The following MEMO1 variants were observed in gnomAD, a reference collection of about 807,000 sequenced individuals.
MEMO1 encodes the protein protein MEMO1.
In MEMO1, 6 loss-of-function variants were observed where a neutral mutation model predicts 45.2. That is an observed-to-expected ratio of 0.13 (90% CI 0.07 to 0.26). MEMO1 has a LOEUF of 0.26. MEMO1 is among the 10% of genes least tolerant of loss of function. The pLI is 1.00. For missense variants in MEMO1, 184 were observed against 370.5 expected (o/e 0.50, Z 4.13); for synonymous variants, 78 against 124.3 (o/e 0.63, Z 2.48).
At chr2:31,876,534 G>T (rs1365387843) in intron 8 of MEMO1, among the ~76,000 whole-genome samples, 1 of 152,090 alleles carries the variant, frequency 6.6e-6, no homozygotes, top group South Asian at 2.1e-4. Context: ...GCTTACTGCT[G>T]TATCTCCACC....
chr2:31,888,947 T>C (rs1264539929), intron 7 of MEMO1, among the ~76,000 whole-genome samples: 2 of 152,002 alleles, frequency 1.3e-5, no homozygotes, highest in Non-Finnish European at 2.9e-5. Flanking sequence ...CAAGTCTAAA[T>C]AAAAGCTACA....
chr2:32,009,783 C>A (rs1674589101), intron 2 of MEMO1, among the ~76,000 whole-genome samples: 1 of 152,128 alleles, frequency 6.6e-6, no homozygotes, highest in African/African-American at 2.4e-5. Context: ...GGCTCGGCGC[C>A]GGGCACACCG....
Position 31,920,832 on chromosome 2 carries a change from C to A in MEMO1, c.291G>T (p.Arg97Ser). 1 of 1,610,408 alleles carries A rather than the reference C, an allele frequency of 6.2e-7. No homozygotes were observed. Among genetic ancestry groups the A allele is most frequent in the Non-Finnish European group, 8.5e-7 (1 of 1,178,524 alleles). ...CAATACGAAGGTCATACAGAGGTGT[C>A]CTATATATATCCACACTGGAAAGTG... The part of the protein sequence containing the change: ...RCALSSVDIY[R>S]TPLYDLRIDQ... The change falls in exon 5 of 10, where the codon AGG becomes AGT. Residue 97 changes from arginine to serine, a missense_variant. Arg to Ser is a moderately radical substitution (Grantham distance 110). Transcript: ENST00000404530.
intron 6 of MEMO1, among the ~76,000 whole-genome samples, chr2:31,896,095 A>G (rs1677764689): frequency 1.3e-5 from 2 of 152,072 alleles, no homozygotes; most frequent in Admixed American, 6.5e-5. Flanking sequence ...CGCCCGCCTC[A>G]GCCTCCCAAA....
intron 7 of MEMO1, among the ~76,000 whole-genome samples, chr2:31,889,693 A>T (rs573882053): frequency 1.3e-5 from 2 of 152,070 alleles, no homozygotes; most frequent in East Asian, 3.9e-4. Context: ...AATATTATCT[A>T]TGTTACACCT....
At chr2:31,995,109 G>A (rs768559311) in intron 2 of MEMO1, among the ~76,000 whole-genome samples, 120 of 152,172 alleles carry the variant, frequency 7.9e-4, no homozygotes, top group Non-Finnish European at 1.4e-3. Context: ...AACAGCTATT[G>A]TAGAAATATT....
intron 6 of MEMO1, among the ~76,000 whole-genome samples, chr2:31,897,093 G>A (rs764658788): frequency 1.4e-4 from 22 of 152,216 alleles, no homozygotes; most frequent in Admixed American, 2.6e-4. Context: ...CTTCACTGAA[G>A]TTGCTTATCA....
intron 4 of MEMO1, among the ~76,000 whole-genome samples, chr2:31,924,671 G>A (rs1412115561): frequency 6.6e-6 from 1 of 152,108 alleles, no homozygotes; most frequent in Admixed American, 6.5e-5. Context: ...TTTTGTAAAC[G>A]TGTTTCACAG....
chr2:31,938,851 A>G (rs1042845244), intron 3 of MEMO1, among the ~76,000 whole-genome samples: 1 of 149,722 alleles, frequency 6.7e-6, no homozygotes, highest in Non-Finnish European at 1.5e-5. Flanking sequence ...CAGTGGTGCA[A>G]TCTCAGCTCA....
At chr2:31,939,012 T>C (rs1572745912) in intron 3 of MEMO1, among the ~76,000 whole-genome samples, 1 of 151,662 alleles carries the variant, frequency 6.6e-6, no homozygotes, top group African/African-American at 2.4e-5. Flanking sequence ...CTCAAACTCC[T>C]GAGCTCAAGC....
At chr2:31,885,841 CAA>C (rs1572569047) in intron 7 of MEMO1, among the ~76,000 whole-genome samples, 1 of 152,196 alleles carries the variant, frequency 6.6e-6, no homozygotes, top group Non-Finnish European at 1.5e-5. Flanking sequence ...GTTTGCTACT[CAA>C]AAGTCTTTTC....
chr2:31,968,580 C>G (rs1668902562), intron 2 of MEMO1, among the ~76,000 whole-genome samples: 1 of 152,124 alleles, frequency 6.6e-6, no homozygotes, highest in South Asian at 2.1e-4. Context: ...AGGACAAGTC[C>G]CCCAAGAAGT....
chr2:31,969,605 GTGTGT>G (rs1669123795), intron 2 of MEMO1, among the ~76,000 whole-genome samples: 2 of 149,536 alleles, frequency 1.3e-5, no homozygotes, highest in Non-Finnish European at 1.5e-5. Context: ...GTGTGTGTGT[GTGTGT>G]GTGTGTGTGT....
chr2:31,956,218 T>C (rs1300730846), intron 2 of MEMO1, among the ~76,000 whole-genome samples: 1 of 152,014 alleles, frequency 6.6e-6, no homozygotes, highest in Non-Finnish European at 1.5e-5. Flanking sequence ...GATAATTCAG[T>C]ACTCAAATCC....
chr2:31,964,241 TACACAAACACAC>T (rs1668350066), intron 2 of MEMO1, among the ~76,000 whole-genome samples: 2 of 151,690 alleles, frequency 1.3e-5, no homozygotes, highest in Non-Finnish European at 2.9e-5. Flanking sequence ...CACATACACG[TACACAAACACAC>T]ACACAAACAC....
At chr2:32,006,281 A>T (rs1674054049) in intron 2 of MEMO1, among the ~76,000 whole-genome samples, 2 of 152,236 alleles carry the variant, frequency 1.3e-5, no homozygotes, top group African/African-American at 4.8e-5. Context: ...GGCAGAAGGA[A>T]GTCCAATTCG....
At chr2:31,914,514 A>G (rs536303948) in intron 6 of MEMO1, among the ~76,000 whole-genome samples, 1 of 152,324 alleles carries the variant, frequency 6.6e-6, no homozygotes, top group East Asian at 1.9e-4. Flanking sequence ...TGGAACACTA[A>G]AGATAAATGC....
chr2:31,972,668 G>A (rs1198421921), intron 2 of MEMO1, among the ~76,000 whole-genome samples: 1 of 152,086 alleles, frequency 6.6e-6, no homozygotes, highest in African/African-American at 2.4e-5. Flanking sequence ...CCAAGATCGT[G>A]CTACTGCACT....
chr2:32,006,912 C>T (rs1392659885), intron 2 of MEMO1, among the ~76,000 whole-genome samples: 1 of 144,800 alleles, frequency 6.9e-6, no homozygotes, highest in African/African-American at 2.6e-5. Flanking sequence ...CTGCAGTGAG[C>T]CAAGATCGTG....
Sources: gnomAD v4.1 joint callset for allele counts (sites outside exome capture counted in the v4.1 genomes callset) on GRCh38, gnomAD v4.1.1 for gene constraint, MANE v1.5 for transcripts, NCBI Gene and HGNC (gene_info 2026-07-23, HGNC 2026-07-21) for gene names.